Variants in CNTNAP5 observed in about 807,000 individuals in gnomAD.
CNTNAP5 encodes contactin-associated protein-like 5.
Under a neutral mutation model 150.2 loss-of-function variants are expected in CNTNAP5, and 72 were observed. The observed-to-expected ratio is 0.48, with a 90% CI of 0.40 to 0.58. CNTNAP5 has a LOEUF of 0.58. CNTNAP5 is among the 20% of genes least tolerant of loss of function. The pLI, the probability that CNTNAP5 is intolerant of heterozygous loss-of-function variation, is 0.00. For missense variants in CNTNAP5, 1,636 were observed against 1,626.2 expected (o/e 1.01, Z -0.10); for synonymous variants, 672 against 619.8 (o/e 1.08, Z -1.25).
intron 16 of CNTNAP5, among the ~76,000 whole-genome samples, chr2:124,768,303 G>A (rs59327879): frequency 2.5e-5 from 3 of 120,746 alleles, no homozygotes; most frequent in Admixed American, 9.0e-5. Flanking sequence ...GTGTGTGTGT[G>A]TGTGTGTATA....
intron 11 of CNTNAP5, among the ~76,000 whole-genome samples, chr2:124,581,028 G>A (rs1057239354): frequency 2.0e-5 from 3 of 152,140 alleles, no homozygotes; most frequent in African/African-American, 7.2e-5. Flanking sequence ...TCTCACTGAA[G>A]GATTATAGAA....
intron 1 of CNTNAP5, among the ~76,000 whole-genome samples, chr2:124,154,475 C>A (rs1423354843): frequency 2.0e-5 from 3 of 152,064 alleles, no homozygotes; most frequent in African/African-American, 7.2e-5. Context: ...ACAATTACAC[C>A]TCCCCTCCCC....
intron 3 of CNTNAP5, among the ~76,000 whole-genome samples, chr2:124,251,744 TAGA>T (rs1205795042): frequency 3.9e-5 from 6 of 152,274 alleles, no homozygotes; most frequent in South Asian, 2.1e-4. Context: ...GACTTGTCAG[TAGA>T]AGAAGTGCTA....
At chr2:124,217,368 T>C (rs960666977) in intron 1 of CNTNAP5, among the ~76,000 whole-genome samples, 2 of 152,170 alleles carry the variant, frequency 1.3e-5, no homozygotes, top group Admixed American at 1.3e-4. Flanking sequence ...TCAGACACAC[T>C]GTTAGAAGTC....
At chr2:124,060,655 A>G (rs1002032083) in intron 1 of CNTNAP5, among the ~76,000 whole-genome samples, 1 of 152,198 alleles carries the variant, frequency 6.6e-6, no homozygotes, top group African/African-American at 2.4e-5. Context: ...CCACATGGGA[A>G]TACTTCTAAG....
intron 13 of CNTNAP5, among the ~76,000 whole-genome samples, chr2:124,742,259 G>T (rs1680511693): frequency 6.6e-6 from 1 of 152,106 alleles, no homozygotes; most frequent in Non-Finnish European, 1.5e-5. Context: ...TAATTTGTTT[G>T]TCAAATACTC....
At chr2:124,485,918 A>C (rs1475806329) in intron 7 of CNTNAP5, among the ~76,000 whole-genome samples, 1 of 152,106 alleles carries the variant, frequency 6.6e-6, no homozygotes, top group Non-Finnish European at 1.5e-5. Flanking sequence ...GCAGGGTCCA[A>C]CTCCGCTACC....
intron 1 of CNTNAP5, among the ~76,000 whole-genome samples, chr2:124,149,403 C>CAAAA (rs71394025): frequency 0.07 from 5,776 of 82,616 alleles, 519 homozygotes; most frequent in Non-Finnish European, 0.1. Flanking sequence ...GCGTCAATTG[C>CAAAA]AAAAAAAAAA....
intron 19 of CNTNAP5, among the ~76,000 whole-genome samples, chr2:124,855,999 T>C (rs1256945827): frequency 6.6e-6 from 1 of 152,042 alleles, no homozygotes; most frequent in African/African-American, 2.4e-5. Flanking sequence ...TCACTTAGAA[T>C]AAGGGTCTCC....
At chr2:124,218,756 T>C (rs562503940) in intron 1 of CNTNAP5, among the ~76,000 whole-genome samples, 26 of 152,250 alleles carry the variant, frequency 1.7e-4, no homozygotes, top group African/African-American at 6.0e-4. Context: ...ATGGAGGGGA[T>C]TGCACAGGTC....
intron 5 of CNTNAP5, among the ~76,000 whole-genome samples, chr2:124,437,951 A>G (rs1361374175): frequency 6.6e-6 from 1 of 152,148 alleles, no homozygotes; most frequent in African/African-American, 2.4e-5. Context: ...TCATTTTCTA[A>G]TCAGTTACTT....
At chr2:124,622,085 C>A (rs1204519642) in intron 12 of CNTNAP5, among the ~76,000 whole-genome samples, 1 of 152,064 alleles carries the variant, frequency 6.6e-6, no homozygotes, top group Admixed American at 6.6e-5. Flanking sequence ...GCCCAGCATC[C>A]ATTAGCTATT....
intron 1 of CNTNAP5, among the ~76,000 whole-genome samples, chr2:124,132,154 A>G (rs1336452258): frequency 6.6e-6 from 1 of 152,178 alleles, no homozygotes; most frequent in Non-Finnish European, 1.5e-5. Context: ...TGGGTTTCAT[A>G]AGGGCCCATT....
intron 4 of CNTNAP5, among the ~76,000 whole-genome samples, chr2:124,422,101 C>T (rs1197360991): frequency 6.6e-6 from 1 of 152,202 alleles, no homozygotes; most frequent in Non-Finnish European, 1.5e-5. Flanking sequence ...TGAATGGGTA[C>T]ATAGATATAT....
intron 21 of CNTNAP5, among the ~76,000 whole-genome samples, chr2:124,893,525 A>C (rs998086499): frequency 1.3e-5 from 2 of 152,106 alleles, no homozygotes; most frequent in Admixed American, 6.6e-5. Flanking sequence ...TCTCTGCATG[A>C]TGGTGTACTT....
chr2:124,502,657 A>C (rs546550420), intron 7 of CNTNAP5, among the ~76,000 whole-genome samples: 1 of 152,228 alleles, frequency 6.6e-6, no homozygotes, highest in Non-Finnish European at 1.5e-5. Context: ...TTCTTCCAAA[A>C]GACAGCCCTA....
At chr2:124,884,451 A>G (rs1678037596) in intron 21 of CNTNAP5, among the ~76,000 whole-genome samples, 1 of 151,660 alleles carries the variant, frequency 6.6e-6, no homozygotes. Context: ...ATATCATGTG[A>G]TCTCTCATTC....
chr2:124,696,653 G>C (rs750081892), intron 13 of CNTNAP5, among the ~76,000 whole-genome samples: 3 of 152,084 alleles, frequency 2.0e-5, no homozygotes, highest in Non-Finnish European at 2.9e-5. Context: ...ATGAACTTAA[G>C]AAAACCCAGA....
rs70996084 is a variant in CNTNAP5, at chr2:124,629,936, C to CAAAAAAAAAA, written c.1877-17812_1877-17803dup. Among the ~76,000 whole-genome samples the CAAAAAAAAAA allele has an allele frequency of 2.1e-3, 139 of 67,744 alleles. 3 individuals carry two copies. Among genetic ancestry groups the CAAAAAAAAAA allele is most frequent in the African/African-American group, 3.6e-3 (83 of 22,788 alleles). The allele number at this position is 67,744 out of a possible 152,430, so 44.4% of individuals were successfully genotyped here. A position where few individuals can be genotyped will look rare whatever the true frequency, so the allele number is the denominator to read the frequency against. ...AGAGAATACTATAAACACCTCTATG[C>CAAAAAAAAAA]AAAAAAAAAAAAAAAAAAACTGGAA... On this transcript the variant is annotated intron_variant, in intron 12 of 23. Coordinates refer to ENST00000682447, the MANE Select transcript of CNTNAP5 (RefSeq NM_001367498.1).
Sources: allele counts gnomAD v4.1 joint callset (sites outside exome capture counted in the v4.1 genomes callset), GRCh38; gene constraint gnomAD v4.1.1; transcripts MANE v1.5; gene names NCBI Gene and HGNC (gene_info 2026-07-23, HGNC 2026-07-21).